GLIS3: variants seen among roughly 807,000 people sequenced by gnomAD.
The protein encoded by GLIS3 is GLIS family zinc finger 3.
A neutral mutation model predicts 78.6 loss-of-function variants in GLIS3; 53 were observed. That is an observed-to-expected ratio of 0.67 (90% CI 0.54 to 0.85). The LOEUF (loss-of-function observed/expected upper bound fraction) is 0.85. GLIS3 is among the 40% of genes least tolerant of loss of function. GLIS3 has a pLI of 0.00. For synonymous variants in GLIS3, 684 were observed against 509.9 expected, an observed-to-expected ratio of 1.34 and a Z score of -4.60; for missense variants, 1,703 against 1,231.1, an observed-to-expected ratio of 1.38 and a Z score of -5.74.
chr9:4,069,936 C>T (rs938240732), intron 4 of GLIS3, among the ~76,000 whole-genome samples: 1 of 152,026 alleles, frequency 6.6e-6, no homozygotes, highest in South Asian at 2.1e-4. Flanking sequence ...AAGCTTTGGA[C>T]ATTCTCCAGC....
At chr9:3,891,613 G>C (rs1021932183) in intron 7 of GLIS3, among the ~76,000 whole-genome samples, 1 of 152,270 alleles carries the variant, frequency 6.6e-6, no homozygotes, top group Admixed American at 6.5e-5. Flanking sequence ...GAGGCAGGAG[G>C]ATGACTTGAG....
intron 9 of GLIS3, among the ~76,000 whole-genome samples, chr9:3,845,480 G>T (rs138238897): frequency 2.6e-5 from 4 of 152,098 alleles, no homozygotes; most frequent in African/African-American, 9.7e-5. Context: ...CAAACATAAG[G>T]CTGGGAGGGG....
intron 4 of GLIS3, among the ~76,000 whole-genome samples, chr9:3,979,650 CCCAGCACAA>C (rs1246150064): frequency 6.6e-6 from 1 of 152,138 alleles, no homozygotes; most frequent in African/African-American, 2.4e-5. Context: ...CCATACTTCA[CCCAGCACAA>C]CACTTACCAC....
At chr9:4,044,656 C>T (rs555823689) in intron 4 of GLIS3, among the ~76,000 whole-genome samples, 2 of 152,272 alleles carry the variant, frequency 1.3e-5, no homozygotes, top group Admixed American at 1.3e-4. Context: ...TGGTGGTCTA[C>T]AAGGTGAACC....
chr9:4,151,499 T>C (rs1052735683), intron 2 of GLIS3, among the ~76,000 whole-genome samples: 1 of 152,226 alleles, frequency 6.6e-6, no homozygotes, highest in Non-Finnish European at 1.5e-5. Flanking sequence ...AAGTCTAATT[T>C]AAGCATATGG....
intron 4 of GLIS3, 94 bp from the exon 5 acceptor site, chr9:3,937,283 T>A (rs1458343650): frequency 1.2e-5 from 15 of 1,242,446 alleles, no homozygotes; most frequent in Middle Eastern, 1.9e-4. Flanking sequence ...AGTTGGTACT[T>A]TGCCGAAAAT....
At chr9:3,871,304 T>G (rs1400594701) in intron 8 of GLIS3, among the ~76,000 whole-genome samples, 1 of 152,166 alleles carries the variant, frequency 6.6e-6, no homozygotes, top group East Asian at 1.9e-4. Flanking sequence ...TGCAAGCTAT[T>G]GGTGGATCTA....
chr9:4,424,574 G>A, the GLIS3 span, among the ~76,000 whole-genome samples: 1 of 152,078 alleles, frequency 6.6e-6, no homozygotes, highest in East Asian at 1.9e-4. Flanking sequence ...TTGTTTGTTT[G>A]TTTGTTTTTG....
intron 2 of GLIS3, among the ~76,000 whole-genome samples, chr9:4,237,492 T>C (rs1822876100): frequency 6.6e-6 from 1 of 152,350 alleles, no homozygotes; most frequent in Non-Finnish European, 1.5e-5. Flanking sequence ...TACTTCAGGC[T>C]CAGTCTACTG....
intron 4 of GLIS3, among the ~76,000 whole-genome samples, chr9:4,059,974 C>T (rs1335294631): frequency 1.3e-5 from 2 of 152,016 alleles, no homozygotes; most frequent in Admixed American, 6.6e-5. Context: ...CAACTTTCTA[C>T]ACATGTTGAA....
the GLIS3 span, among the ~76,000 whole-genome samples, chr9:4,408,285 A>G: frequency 9.2e-5 from 14 of 152,152 alleles, no homozygotes; most frequent in Non-Finnish European, 2.1e-4. Flanking sequence ...AAGAAAGGAA[A>G]TCAGTATATC....
chr9:4,337,653 C>T (rs1234147454), intron 2 of GLIS3, among the ~76,000 whole-genome samples: 1 of 152,092 alleles, frequency 6.6e-6, no homozygotes, highest in Admixed American at 6.5e-5. Context: ...AGTAAAAGAA[C>T]ATGGAGGATC....
intron 4 of GLIS3, among the ~76,000 whole-genome samples, chr9:4,074,398 C>T (rs1827880777): frequency 6.6e-6 from 1 of 152,124 alleles, no homozygotes; most frequent in South Asian, 2.1e-4. Context: ...TAAACACTCA[C>T]CTACTCCTCC....
rs752506725 is a variant in GLIS3 at position 4,118,586 on chromosome 9, A to G, written c.892T>C (p.Ser298Pro). The part of the protein sequence containing the change: ...HSSTRSHSAR[S>P]KKRALSLSPL... ...GACAAGGACAGCGCTCTCTTCTTGGAGCGGGCCGAGTGGGACCTGGTGGAT... is the reference window on the plus strand; with the variant it reads ...GACAAGGACAGCGCTCTCTTCTTGGGGCGGGCCGAGTGGGACCTGGTGGAT... Residue 298 changes from serine to proline, a missense_variant, in exon 4 of 11, where the codon TCC becomes CCC. Transcript: ENST00000381971. The surrounding 1 kb of genome is among the most constrained non-coding windows in gnomAD (Gnocchi z 4.7). 6.2e-7 allele frequency: 1 copy of G among 1,614,186 alleles called. No individual in the cohort carries two copies. Among genetic ancestry groups the G allele is most frequent in the South Asian group, 1.1e-5 (1 of 91,084 alleles).
chr9:4,410,110 A>G, the GLIS3 span, among the ~76,000 whole-genome samples: 1 of 151,338 alleles, frequency 6.6e-6, no homozygotes, highest in Non-Finnish European at 1.5e-5. Flanking sequence ...TGCTGGGATT[A>G]CAGAAATGCA....
chr9:4,469,178 A>G, the GLIS3 span, among the ~76,000 whole-genome samples: 1 of 152,162 alleles, frequency 6.6e-6, no homozygotes, highest in Non-Finnish European at 1.5e-5. Context: ...CTCCTACACA[A>G]TAATAATGGG....
At chr9:4,175,573 G>A (rs1338355583) in intron 2 of GLIS3, among the ~76,000 whole-genome samples, 3 of 152,146 alleles carry the variant, frequency 2.0e-5, no homozygotes, top group Admixed American at 6.5e-5. Flanking sequence ...CTGAAAATCA[G>A]AAACTGCCAT....
rs73643704 is a variant in GLIS3 at position 4,099,286 on chromosome 9, A to C, written c.1710+18482T>G. On this transcript the variant is annotated intron_variant, in intron 4 of 10. Coordinates refer to ENST00000381971, the MANE Select transcript of GLIS3 (RefSeq NM_001042413.2). The stretch of plus-strand genomic sequence containing the variant: ...TCTGGAGGCTCAAAGTCTGAAATCA[A>C]GGTGTGGGTCTGAGGGCTCTGAAGG... Among the ~76,000 whole-genome samples, 390 of 152,312 alleles carry C rather than the reference A, an allele frequency of 2.6e-3. 2 individuals are homozygous for C. Among genetic ancestry groups the C allele is most frequent in the African/African-American group, 9.0e-3 (376 of 41,568 alleles).
the GLIS3 span, among the ~76,000 whole-genome samples, chr9:4,403,761 C>A: frequency 1.4e-4 from 21 of 151,620 alleles, no homozygotes; most frequent in African/African-American, 5.1e-4. Context: ...ACCATACCAC[C>A]AGAGAAAATC....
Sources: allele counts gnomAD v4.1 joint callset (sites outside exome capture counted in the v4.1 genomes callset), GRCh38; gene constraint gnomAD v4.1.1; non-coding constraint Gnocchi (gnomAD v3.1); transcripts MANE v1.5; gene names NCBI Gene and HGNC (gene_info 2026-07-23, HGNC 2026-07-21).